PI4KA: variants seen among roughly 807,000 people sequenced by gnomAD.
PI4KA encodes the protein phosphatidylinositol 4-kinase alpha.
A neutral mutation model predicts 271.4 loss-of-function variants in PI4KA; 122 were observed. The ratio of observed to expected loss-of-function variants is 0.45; its 90% confidence interval spans 0.39 to 0.52. The LOEUF (loss-of-function observed/expected upper bound fraction) is 0.52. Ranked by LOEUF, PI4KA falls within the 20% of genes least tolerant of loss-of-function variation. The pLI, the probability that PI4KA is intolerant of heterozygous loss-of-function variation, is 0.00. For missense variants in PI4KA, 1,969 were observed against 2,769.1 expected, an observed-to-expected ratio of 0.71 and a Z score of 6.48; for synonymous variants, 1,041 against 1,078.8, an observed-to-expected ratio of 0.96 and a Z score of 0.69.
intron 7 of PI4KA, among the ~76,000 whole-genome samples, chr22:20,815,305 C>T (rs1393249269): frequency 1.4e-5 from 2 of 143,146 alleles, no homozygotes; most frequent in Non-Finnish European, 3.0e-5. Flanking sequence ...TGCTTAAGCC[C>T]GGGAGGCTGA....
chr22:20,741,597 C>T (rs1025229800), intron 32 of PI4KA, among the ~76,000 whole-genome samples: 5 of 152,088 alleles, frequency 3.3e-5, no homozygotes, highest in African/African-American at 9.7e-5. Context: ...ACCACCAGCC[C>T]GGAACATTTT....
chr22:20,803,755 C>T (rs767522163), intron 12 of PI4KA, among the ~76,000 whole-genome samples: 4 of 152,166 alleles, frequency 2.6e-5, no homozygotes, highest in African/African-American at 7.2e-5. Flanking sequence ...TGGGCTCAAG[C>T]GATCCTCCCA....
At chr22:20,773,971 A>G (rs1184628506) in intron 19 of PI4KA, 1 of 152,340 alleles carries the variant, frequency 6.6e-6, no homozygotes, top group Middle Eastern at 3.4e-3. Context: ...TACAGTTATC[A>G]AAGGCACAGC....
At chr22:20,747,363 T>TA (rs369504375) in intron 29 of PI4KA, 7,397 of 368,416 alleles carry the variant, frequency 0.02, 1 homozygote, top group Middle Eastern at 0.029. Context: ...TCCATAAATT[T>TA]AAAAAAAAAA....
chr22:20,847,088 C>T (rs370823717), intron 1 of PI4KA, among the ~76,000 whole-genome samples: 37 of 148,784 alleles, frequency 2.5e-4, no homozygotes, highest in African/African-American at 8.7e-4. Context: ...GTGGAGGTTG[C>T]AGTGAGCCGA....
intron 28 of PI4KA, among the ~76,000 whole-genome samples, chr22:20,749,291 C>T (rs1930430423): frequency 6.6e-6 from 1 of 152,236 alleles, no homozygotes; most frequent in African/African-American, 2.4e-5. Flanking sequence ...TTCCTCTCAG[C>T]ACACCCACTC....
chr22:20,793,293 T>TAA (rs757768785), intron 18 of PI4KA, 50 bp from the exon 19 acceptor site: 426 of 823,258 alleles, frequency 5.2e-4, no homozygotes, highest in South Asian at 6.2e-4. Flanking sequence ...TTTCTTTTAT[T>TAA]AAAAAAAAAA....
chr22:20,786,900 TG>T, intron 19 of PI4KA: 1 of 1,614,142 alleles, frequency 6.2e-7, no homozygotes. Flanking sequence ...ACGATCACAG[TG>T]AACGAGGAAG....
At chr22:20,769,614 A>T (rs555483575) in intron 19 of PI4KA, among the ~76,000 whole-genome samples, 25 of 151,474 alleles carry the variant, frequency 1.7e-4, no homozygotes, top group Non-Finnish European at 1.8e-4. Context: ...GGTTGCAGTG[A>T]GCCAAGATTG....
At chr22:20,850,415 G>A (rs1188452530) in intron 1 of PI4KA, among the ~76,000 whole-genome samples, 3 of 151,484 alleles carry the variant, frequency 2.0e-5, no homozygotes, top group African/African-American at 7.3e-5. Flanking sequence ...AGTCCCCATA[G>A]GTCTCTGGGA....
intron 37 of PI4KA, 78 bp from the exon 38 acceptor site, chr22:20,729,789 T>C: frequency 6.3e-7 from 1 of 1,581,672 alleles, no homozygotes; most frequent in Non-Finnish European, 8.6e-7. Flanking sequence ...TAGAGGAAGC[T>C]TGCAGTGCTC....
At chr22:20,728,224 C>A (rs777767921) in intron 39 of PI4KA, among the ~76,000 whole-genome samples, 1 of 152,088 alleles carries the variant, frequency 6.6e-6, no homozygotes, top group Admixed American at 6.5e-5. Context: ...CTCATAAATA[C>A]AGACATCTAC....
chr22:20,759,703 C>T lies in PI4KA; in HGVS notation c.2791+1601G>A, dbSNP rs565523622. The stretch of plus-strand genomic sequence containing the variant: ...GTCTCAGCCTCCCGAGTAGCTGGGA[C>T]TACAGGCGCAGGCCACCACGCCCGG... On this transcript the variant is annotated intron_variant, in intron 23 of 54. Transcript: ENST00000255882. Among the ~76,000 whole-genome samples the T allele has an allele frequency of 6.6e-5, 10 of 152,252 alleles. 1 individual carries two copies. Among genetic ancestry groups the T allele is most frequent in the African/African-American group, 2.4e-4 (10 of 41,534 alleles).
intron 7 of PI4KA, among the ~76,000 whole-genome samples, chr22:20,818,157 T>C (rs903613403): frequency 1.9e-4 from 29 of 152,074 alleles, no homozygotes; most frequent in Non-Finnish European, 5.9e-5. Context: ...CCATTAGTAC[T>C]TCCACCTGAA....
intron 4 of PI4KA, among the ~76,000 whole-genome samples, chr22:20,821,898 C>T (rs187270623): frequency 7.0e-4 from 106 of 152,294 alleles, no homozygotes; most frequent in African/African-American, 2.5e-3. Flanking sequence ...CCCAGCCAAT[C>T]CCAGCACTTT....
At chr22:20,742,522 G>A in intron 31 of PI4KA, 86 bp downstream of exon 31, 1 of 1,564,634 alleles carries the variant, frequency 6.4e-7, no homozygotes, top group South Asian at 1.1e-5. Flanking sequence ...TCTTTCTCCG[G>A]CCAGTACTCC....
chr22:20,780,730 T>C (rs1031238300), intron 19 of PI4KA, among the ~76,000 whole-genome samples: 3 of 139,182 alleles, frequency 2.2e-5, no homozygotes, highest in Admixed American at 8.2e-5. Context: ...GAGCCGAGAC[T>C]GTGCCACTGC....
At chr22:20,849,840 C>T (rs1176544515) in intron 1 of PI4KA, among the ~76,000 whole-genome samples, 3 of 151,848 alleles carry the variant, frequency 2.0e-5, no homozygotes, top group East Asian at 1.9e-4. Context: ...GGCTCCAGAG[C>T]GAAACTCTGT....
At chr22:20,710,534 G>A (rs946149334) in intron 52 of PI4KA, 165 bp downstream of exon 52, 8 of 663,156 alleles carry the variant, frequency 1.2e-5, no homozygotes, top group Admixed American at 1.1e-4. Flanking sequence ...AGAATTTACT[G>A]GCACAGGTGG....
Sources: allele counts gnomAD v4.1 joint callset (sites outside exome capture counted in the v4.1 genomes callset), GRCh38; gene constraint gnomAD v4.1.1; transcripts MANE v1.5; gene names NCBI Gene and HGNC (gene_info 2026-07-23, HGNC 2026-07-21).